The following KIF3B variants were observed in gnomAD, a reference collection of about 807,000 sequenced individuals.
KIF3B encodes the protein kinesin family member 3B, also known as kinesin-like protein KIF3B.
A neutral mutation model predicts 74.3 loss-of-function variants in KIF3B; 38 were observed. The ratio of observed to expected loss-of-function variants is 0.51; its 90% CI spans 0.39 to 0.67. The LOEUF is 0.67. Among genes scored for constraint, KIF3B ranks in the 30% least tolerant of loss-of-function variants. The probability of loss-of-function intolerance (pLI) is 0.00; values close to 1 mark genes in which losing one functional copy is unlikely to be tolerated. For missense variants in KIF3B, 649 were observed against 932.0 expected (o/e 0.70, Z 3.95); for synonymous variants, 326 against 342.5 (o/e 0.95, Z 0.53).
At chr20:32,279,022 C>T (rs1182234808) in intron 1 of KIF3B, among the ~76,000 whole-genome samples, 2 of 146,430 alleles carry the variant, frequency 1.4e-5, no homozygotes, top group African/African-American at 2.5e-5. Context: ...CTCGTGTGTT[C>T]AAGCGATTCT....
Position 32,316,204 on chromosome 20 carries a change from T to G in KIF3B, c.1405-14T>G. 1 of 1,419,000 alleles carries G rather than the reference T, an allele frequency of 7.0e-7. No homozygotes were observed. Among genetic ancestry groups the G allele is most frequent in the Non-Finnish European group, 1.0e-6 (1 of 1,002,888 alleles). 87.9% of individuals were successfully genotyped at this position (1,419,000 alleles called of 1,614,324 possible). A position where few individuals can be genotyped will look rare whatever the true frequency, so the allele number is the denominator to read the frequency against. On this transcript the variant is annotated splice_polypyrimidine_tract_variant and intron_variant, in intron 2 of 8. Transcript: ENST00000375712. ...ACCGTTCATGAGATGGATTCTACTTTGTTTCTCACTCAGGCCATGGAGAGT... is the reference window on the plus strand; with the variant it reads ...ACCGTTCATGAGATGGATTCTACTTGGTTTCTCACTCAGGCCATGGAGAGT...
At chr20:32,283,050 T>G (rs916676618) in intron 1 of KIF3B, among the ~76,000 whole-genome samples, 1 of 152,142 alleles carries the variant, frequency 6.6e-6, no homozygotes, top group African/African-American at 2.4e-5. Context: ...ATTTATTCAT[T>G]TTGGAGACAG....
At chr20:32,281,674 G>A (rs374661138) in intron 1 of KIF3B, among the ~76,000 whole-genome samples, 46 of 152,060 alleles carry the variant, frequency 3.0e-4, no homozygotes, top group African/African-American at 5.6e-4. Flanking sequence ...CCGAGGTTGC[G>A]CCATTGCACT....
chr20:32,309,395 G>C (rs900663671), intron 1 of KIF3B, among the ~76,000 whole-genome samples: 1 of 151,586 alleles, frequency 6.6e-6, no homozygotes, highest in African/African-American at 2.4e-5. Flanking sequence ...TCAAACTCCT[G>C]GTCTCAAGGA....
In KIF3B at chr20:32,330,179, C is replaced by G; in HGVS notation, c.2007C>G (p.Ser669Arg). The stretch of plus-strand genomic sequence containing the variant: ...TGCTGTTAGAGCTGGACATGCCCAG[C>G]CGGACCACCAGAGACTATGAGGGTC... Reference protein sequence around the residue: ...NIVLLELDMPSRTTRDYEGPA... With the variant: ...NIVLLELDMPRRTTRDYEGPA... The change falls in exon 8 of 9, where the codon AGC becomes AGG. Residue 669 changes from serine to arginine, a missense_variant. Ser to Arg is a moderately radical substitution (Grantham distance 110). This residue lies in a region of KIF3B where 186 missense variants were observed against 198.5 expected (regional missense o/e 0.94). Transcript: ENST00000375712. The G allele has an allele frequency of 1.2e-6, 2 of 1,613,920 alleles. No homozygotes were observed. The highest frequency in any genetic ancestry group is 2.2e-5 in the South Asian group (2 of 91,054).
intron 5 of KIF3B, among the ~76,000 whole-genome samples, chr20:32,322,792 A>ATATATATATT (rs1258382356): frequency 4.9e-5 from 3 of 60,752 alleles, no homozygotes; most frequent in African/African-American, 2.6e-4. Context: ...ATATATATTT[A>ATATATATATT]TATATATATT....
chr20:32,315,222 T>A (rs1458184069), intron 2 of KIF3B, among the ~76,000 whole-genome samples: 1 of 152,204 alleles, frequency 6.6e-6, no homozygotes, highest in East Asian at 1.9e-4. Context: ...AAAGAATATG[T>A]CAGTGGTTCC....
intron 5 of KIF3B, among the ~76,000 whole-genome samples, chr20:32,324,185 G>C (rs2047891684): frequency 6.6e-6 from 1 of 151,920 alleles, no homozygotes; most frequent in South Asian, 2.1e-4. Flanking sequence ...CAATTAACTT[G>C]TATCTCTATC....
chr20:32,311,902 A>C (rs1328364969), intron 2 of KIF3B, among the ~76,000 whole-genome samples: 1 of 148,900 alleles, frequency 6.7e-6, no homozygotes, highest in Non-Finnish European at 1.5e-5. Context: ...ATCCGGGTTC[A>C]AGTGATTCTC....
chr20:32,294,389 G>A (rs918491192), intron 1 of KIF3B, among the ~76,000 whole-genome samples: 1 of 152,096 alleles, frequency 6.6e-6, no homozygotes, highest in Admixed American at 6.6e-5. Context: ...AGACATTTAA[G>A]CTGAAATCAA....
At chr20:32,295,152 G>A (rs1187698476) in intron 1 of KIF3B, among the ~76,000 whole-genome samples, 1 of 152,144 alleles carries the variant, frequency 6.6e-6, no homozygotes, top group African/African-American at 2.4e-5. Flanking sequence ...TTTTGGTACT[G>A]ATTGCCTGAC....
Position 32,310,457 on chromosome 20 carries a change from A to C in KIF3B, c.680A>C (p.Glu227Ala). The C allele has an allele frequency of 1.9e-6, 3 of 1,614,094 alleles. No homozygotes were observed. Among genetic ancestry groups the C allele is most frequent in the Non-Finnish European group, 2.5e-6 (3 of 1,180,046 alleles). ...TTCGTTATCACTATTGAGTGCAGCG[A>C]GGTGGGCCTCGATGGTGAAAACCAC... ...AIFVITIECS[E>A]VGLDGENHIR... is the part of the protein sequence containing the mutation. The change falls in exon 2 of 9, where the codon GAG becomes GCG. Residue 227 changes from glutamate to alanine, a missense_variant. By Grantham distance (107) the Glu-to-Ala change is moderately radical. Coordinates refer to ENST00000375712, the MANE Select transcript of KIF3B (RefSeq NM_004798.4). The surrounding 1 kb of genome is among the most constrained non-coding windows in gnomAD (Gnocchi z 6.5).
At chr20:32,283,106 G>T (rs1250725500) in intron 1 of KIF3B, among the ~76,000 whole-genome samples, 2 of 152,060 alleles carry the variant, frequency 1.3e-5, no homozygotes, top group East Asian at 3.9e-4. Context: ...TGTGATCATG[G>T]CTCCCCCACA....
intron 1 of KIF3B, among the ~76,000 whole-genome samples, chr20:32,289,631 T>C (rs572170906): frequency 6.6e-6 from 1 of 152,364 alleles, no homozygotes; most frequent in East Asian, 1.9e-4. Flanking sequence ...ACAGTTACTT[T>C]CTATTTATAA....
intron 7 of KIF3B, among the ~76,000 whole-genome samples, chr20:32,329,372 C>T (rs1448093393): frequency 1.4e-5 from 2 of 140,296 alleles, no homozygotes; most frequent in African/African-American, 2.7e-5. Context: ...TTTTTTGAGG[C>T]AGGATCTCAC....
At chr20:32,305,570 C>CTTTTTTTTT (rs869049527) in intron 1 of KIF3B, among the ~76,000 whole-genome samples, 63 of 86,898 alleles carry the variant, frequency 7.2e-4, no homozygotes, top group African/African-American at 1.1e-3. Flanking sequence ...ACTCCCCCAC[C>CTTTTTTTTT]TTTTTTTTTT....
intron 1 of KIF3B, among the ~76,000 whole-genome samples, chr20:32,291,773 C>G (rs944049058): frequency 6.6e-6 from 1 of 151,930 alleles, no homozygotes; most frequent in Non-Finnish European, 1.5e-5. Flanking sequence ...GCATGCACCA[C>G]ACCCAACTAA....
chr20:32,322,666 A>ATATT (rs1457027418), intron 5 of KIF3B, among the ~76,000 whole-genome samples: 1 of 53,162 alleles, frequency 1.9e-5, no homozygotes, highest in African/African-American at 2.1e-4. Flanking sequence ...ATATTTATAT[A>ATATT]TATATTTATA....
intron 2 of KIF3B, among the ~76,000 whole-genome samples, chr20:32,312,911 G>T (rs6058638): frequency 0.91 from 138,917 of 152,252 alleles, 63,579 homozygotes; most frequent in East Asian, 1. Context: ...TGGATGCCCC[G>T]CATCCTTACC....
Sources: allele counts gnomAD v4.1 joint callset (sites outside exome capture counted in the v4.1 genomes callset), GRCh38; gene constraint gnomAD v4.1.1; regional missense constraint gnomAD v4.1.1; non-coding constraint Gnocchi (gnomAD v3.1); transcripts MANE v1.5; gene names NCBI Gene and HGNC (gene_info 2026-07-23, HGNC 2026-07-21).